CNTNAP2: variants seen among roughly 807,000 people sequenced by gnomAD.
CNTNAP2 encodes contactin-associated protein-like 2.
A neutral mutation model predicts 155.2 loss-of-function variants in CNTNAP2; 98 were observed. That is an observed-to-expected ratio of 0.63 (90% CI 0.54 to 0.75). CNTNAP2 has a LOEUF of 0.75. Among genes scored for constraint, CNTNAP2 ranks in the 30% least tolerant of loss-of-function variants. The pLI is 0.00. For missense variants in CNTNAP2, 1,727 were observed against 1,688.1 expected, an observed-to-expected ratio of 1.02 and a Z score of -0.40; for synonymous variants, 651 against 631.2, an observed-to-expected ratio of 1.03 and a Z score of -0.47.
chr7:146,970,226 A>G (rs550113684), intron 3 of CNTNAP2, among the ~76,000 whole-genome samples: 21 of 152,320 alleles, frequency 1.4e-4, no homozygotes, highest in African/African-American at 5.1e-4. Flanking sequence ...TAATTAAACC[A>G]AAGAGCTTCT....
At position 147,961,859 on chromosome 7, in the gene CNTNAP2, G is replaced by C. The variant is rs113208887; in HGVS notation, c.2256-16003G>C. On this transcript the variant is annotated intron_variant, in intron 14 of 23. Transcript: ENST00000361727. ...TAAATGAATATGAACTTTATTAAAGGAATTAAATTAGGAGATTAAAATTAT... is the reference window on the plus strand; with the variant it reads ...TAAATGAATATGAACTTTATTAAAGCAATTAAATTAGGAGATTAAAATTAT... 7.5e-3 allele frequency among the ~76,000 whole-genome samples: 1,136 copies of C among 152,182 alleles called. 18 individuals carry two copies. The highest frequency in any genetic ancestry group is 0.026 in the African/African-American group (1,086 of 41,540).
chr7:146,770,025 T>C (rs1444964173), intron 1 of CNTNAP2, among the ~76,000 whole-genome samples: 1 of 152,134 alleles, frequency 6.6e-6, no homozygotes, highest in Non-Finnish European at 1.5e-5. Context: ...CATTGACATA[T>C]TCAGGGTCAC....
rs755403252 is a variant in CNTNAP2 at position 147,300,110 on chromosome 7, A to AT, written c.1349-30dup. On this transcript the variant is annotated intron_variant, in intron 8 of 23. Coordinates refer to ENST00000361727, the MANE Select transcript of CNTNAP2 (RefSeq NM_014141.6). ...TTGTGTTCAGCTGGGTAATTTTAAG[A>AT]TAAAAATGACTTTTATCTTGTACTT... 101 of 1,610,118 alleles carry AT rather than the reference A, an allele frequency of 6.3e-5. 1 individual carries two copies. In the South Asian group the frequency reaches 9.8e-4, roughly 16 times the overall value.
intron 10 of CNTNAP2, among the ~76,000 whole-genome samples, chr7:147,414,001 C>T (rs1462713796): frequency 6.6e-6 from 1 of 152,210 alleles, no homozygotes; most frequent in African/African-American, 2.4e-5. Flanking sequence ...TAGGAACCAA[C>T]TGAAGTTTGC....
chr7:146,931,115 C>G (rs1389133541), intron 3 of CNTNAP2, among the ~76,000 whole-genome samples: 1 of 151,226 alleles, frequency 6.6e-6, no homozygotes, highest in Non-Finnish European at 1.5e-5. Context: ...CTCTCCACCC[C>G]AAATCAACAG....
intron 1 of CNTNAP2, among the ~76,000 whole-genome samples, chr7:146,286,971 TC>T (rs1309735150): frequency 6.7e-6 from 1 of 150,030 alleles, no homozygotes; most frequent in African/African-American, 2.5e-5. Flanking sequence ...AAACACAAAT[TC>T]CCCCCAAAAC....
chr7:146,894,513 CT>C (rs2129212171), intron 3 of CNTNAP2, among the ~76,000 whole-genome samples: 1 of 152,140 alleles, frequency 6.6e-6, no homozygotes, highest in South Asian at 2.1e-4. Context: ...ATGCTTCAAT[CT>C]TTTGTACATG....
intron 17 of CNTNAP2, among the ~76,000 whole-genome samples, chr7:148,169,650 G>A (rs896708919): frequency 1.3e-5 from 2 of 152,164 alleles, no homozygotes; most frequent in Admixed American, 1.3e-4. Context: ...TGTTCTCGTT[G>A]TACATTTATT....
chr7:147,830,639 C>A (rs1798532192), intron 13 of CNTNAP2, among the ~76,000 whole-genome samples: 1 of 152,122 alleles, frequency 6.6e-6, no homozygotes, highest in Non-Finnish European at 1.5e-5. Flanking sequence ...TCATTGACTG[C>A]CTACTATTTG....
At chr7:147,476,397 G>A (rs773355363) in intron 10 of CNTNAP2, among the ~76,000 whole-genome samples, 81 of 151,732 alleles carry the variant, frequency 5.3e-4, no homozygotes, top group Admixed American at 3.3e-3. Flanking sequence ...GAGCCACCGC[G>A]CCCACCTCTG....
At chr7:146,219,932 T>A (rs538345719) in intron 1 of CNTNAP2, among the ~76,000 whole-genome samples, 1 of 152,068 alleles carries the variant, frequency 6.6e-6, no homozygotes, top group Non-Finnish European at 1.5e-5. Context: ...TTAGAGAACA[T>A]CTAGTACAGC....
chr7:146,480,537 C>A (rs550169939), intron 1 of CNTNAP2, among the ~76,000 whole-genome samples: 2 of 151,932 alleles, frequency 1.3e-5, no homozygotes, highest in East Asian at 3.9e-4. Context: ...GAAGTTGATG[C>A]ACCTTTGTAG....
At chr7:146,869,430 C>A (rs1795264901) in intron 3 of CNTNAP2, among the ~76,000 whole-genome samples, 1 of 151,980 alleles carries the variant, frequency 6.6e-6, no homozygotes. Context: ...TTGTATTAGT[C>A]AGGATTCTCT....
chr7:147,917,125 C>G (rs1013658265), intron 14 of CNTNAP2, among the ~76,000 whole-genome samples: 2 of 152,222 alleles, frequency 1.3e-5, no homozygotes, highest in African/African-American at 4.8e-5. Flanking sequence ...TATCCTACAA[C>G]TCTGTCTATA....
At chr7:147,336,835 C>T (rs1795672693) in intron 9 of CNTNAP2, among the ~76,000 whole-genome samples, 1 of 152,078 alleles carries the variant, frequency 6.6e-6, no homozygotes, top group Admixed American at 6.6e-5. Context: ...CTACAATTCT[C>T]TAGAACTCTA....
chr7:148,123,540 T>G (rs749450253), intron 16 of CNTNAP2, among the ~76,000 whole-genome samples: 3 of 151,582 alleles, frequency 2.0e-5, no homozygotes, highest in Admixed American at 6.6e-5. Flanking sequence ...GAGGCAGCAG[T>G]GAGCTATGAT....
At chr7:146,574,339 T>C (rs528689027) in intron 1 of CNTNAP2, among the ~76,000 whole-genome samples, 121 of 152,332 alleles carry the variant, frequency 7.9e-4, no homozygotes, top group Non-Finnish European at 1.5e-3. Flanking sequence ...AACAATTCCA[T>C]TTTTGACATA....
chr7:146,463,973 A>G (rs1340621752), intron 1 of CNTNAP2, among the ~76,000 whole-genome samples: 1 of 152,160 alleles, frequency 6.6e-6, no homozygotes, highest in Non-Finnish European at 1.5e-5. Flanking sequence ...GCTTTAGAAT[A>G]TCTGAATTTG....
chr7:148,034,869 A>G (rs554607661), intron 15 of CNTNAP2, among the ~76,000 whole-genome samples: 2 of 152,336 alleles, frequency 1.3e-5, no homozygotes, highest in East Asian at 3.9e-4. Flanking sequence ...TATGGACAAT[A>G]AAGGGCATTC....
Sources: allele counts gnomAD v4.1 joint callset (sites outside exome capture counted in the v4.1 genomes callset), GRCh38; gene constraint gnomAD v4.1.1; transcripts MANE v1.5; gene names NCBI Gene and HGNC (gene_info 2026-07-23, HGNC 2026-07-21).